The following MAGI2 variants were observed in gnomAD, a reference collection of about 807,000 sequenced individuals.
MAGI2 encodes the protein membrane-associated guanylate kinase, WW and PDZ domain-containing protein 2.
A neutral mutation model predicts 133.3 loss-of-function variants in MAGI2; 35 were observed. That is an observed-to-expected ratio of 0.26 (90% CI 0.20 to 0.35). MAGI2 has a LOEUF of 0.35. Among genes scored for constraint, MAGI2 ranks in the 10% least tolerant of loss-of-function variants. The pLI, the probability that MAGI2 is intolerant of heterozygous loss-of-function variation, is 1.00. For missense variants in MAGI2, 1,636 were observed against 1,863.4 expected (o/e 0.88, Z 2.25); for synonymous variants, 729 against 710.6 (o/e 1.03, Z -0.41).
rs191175389 is a variant in MAGI2 at position 78,038,797 on chromosome 7, A to G, written c.3707-18821T>C. On this transcript the variant is annotated intron_variant, in intron 21 of 21. Coordinates refer to ENST00000354212, the MANE Select transcript of MAGI2 (RefSeq NM_012301.4). ...AGTTGCAGGAAGAATGAGAAATTCTATGCTTCACAGGCCAGTTTTTGTTTT... is the reference window on the plus strand; with the variant it reads ...AGTTGCAGGAAGAATGAGAAATTCTGTGCTTCACAGGCCAGTTTTTGTTTT... 2.3e-3 allele frequency among the ~76,000 whole-genome samples: 345 copies of G among 152,346 alleles called. 2 individuals carry two copies. Among genetic ancestry groups the G allele is most frequent in the African/African-American group, 7.9e-3 (330 of 41,574 alleles).
rs150340525 is a variant in MAGI2, at chr7:79,154,930, C to T, written c.302-147724G>A. 2.3e-3 allele frequency among the ~76,000 whole-genome samples: 353 copies of T among 152,298 alleles called. 1 individual carries two copies. The highest frequency in any genetic ancestry group is 7.8e-3 in the African/African-American group (325 of 41,576). On this transcript the variant is annotated intron_variant, in intron 1 of 21. Coordinates refer to ENST00000354212, the MANE Select transcript of MAGI2 (RefSeq NM_012301.4). ...GTTTTGCCCATTTGAATCTATTTTG[C>T]GCATGGCTTGCACAATTCCCTTCAC...
chr7:78,406,225 T>C (rs1031487429), intron 6 of MAGI2, among the ~76,000 whole-genome samples: 6 of 152,130 alleles, frequency 3.9e-5, no homozygotes, highest in African/African-American at 1.4e-4. Context: ...AAACAGTCCA[T>C]GACCTGTCCT....
chr7:78,846,472 A>G (rs1184541099), intron 2 of MAGI2, among the ~76,000 whole-genome samples: 1 of 151,934 alleles, frequency 6.6e-6, no homozygotes, highest in Non-Finnish European at 1.5e-5. Flanking sequence ...TTGACTCCCA[A>G]TTTATCAGCT....
At chr7:78,295,353 C>CTGTT (rs1797120878) in intron 9 of MAGI2, among the ~76,000 whole-genome samples, 1 of 152,124 alleles carries the variant, frequency 6.6e-6, no homozygotes, top group Non-Finnish European at 1.5e-5. Flanking sequence ...CTCTGTGCCT[C>CTGTT]TGTTTTTCTC....
intron 1 of MAGI2, among the ~76,000 whole-genome samples, chr7:79,138,968 T>C (rs548940691): frequency 1.1e-4 from 13 of 113,304 alleles, no homozygotes; most frequent in Non-Finnish European, 2.1e-4. Context: ...AGAGACAGAC[T>C]CTTGTCTCAA....
At chr7:78,580,553 T>A (rs538911728) in intron 3 of MAGI2, among the ~76,000 whole-genome samples, 3 of 152,182 alleles carry the variant, frequency 2.0e-5, no homozygotes, top group Non-Finnish European at 4.4e-5. Context: ...TTTCAGAACA[T>A]TAAATTTTAA....
intron 2 of MAGI2, among the ~76,000 whole-genome samples, chr7:78,840,239 C>G (rs1454815586): frequency 1.3e-5 from 2 of 151,934 alleles, no homozygotes; most frequent in Non-Finnish European, 1.5e-5. Flanking sequence ...CTAAATGGTC[C>G]TACATATTTG....
At chr7:78,657,470 T>C (rs528724743) in intron 2 of MAGI2, among the ~76,000 whole-genome samples, 2 of 152,068 alleles carry the variant, frequency 1.3e-5, no homozygotes, top group Non-Finnish European at 2.9e-5. Context: ...ATCCAAAAAA[T>C]GAAATATTTA....
chr7:79,341,484 G>C (rs1840900680), intron 1 of MAGI2, among the ~76,000 whole-genome samples: 1 of 152,050 alleles, frequency 6.6e-6, no homozygotes, highest in South Asian at 2.1e-4. Flanking sequence ...GAATAAAAGT[G>C]AAGAACAATT....
intron 6 of MAGI2, chr7:78,484,427 C>T (rs1792756953): frequency 1.3e-5 from 2 of 151,634 alleles, no homozygotes; most frequent in African/African-American, 4.8e-5. Flanking sequence ...ATTTTTTTTC[C>T]TGTAGTAACA....
intron 1 of MAGI2, among the ~76,000 whole-genome samples, chr7:79,304,716 T>C (rs1837650506): frequency 6.6e-6 from 1 of 152,162 alleles, no homozygotes; most frequent in African/African-American, 2.4e-5. Context: ...GATGTTATGG[T>C]GAAACACCAG....
intron 9 of MAGI2, among the ~76,000 whole-genome samples, chr7:78,336,181 A>G (rs1412177351): frequency 6.6e-6 from 1 of 152,186 alleles, no homozygotes; most frequent in Non-Finnish European, 1.5e-5. Flanking sequence ...TACCATGCAC[A>G]TGTACTGCTT....
At chr7:78,074,889 A>G (rs140421764) in intron 21 of MAGI2, among the ~76,000 whole-genome samples, 5 of 152,342 alleles carry the variant, frequency 3.3e-5, no homozygotes, top group African/African-American at 1.2e-4. Context: ...CTTCTGGCGC[A>G]GAAAAGGTTA....
chr7:78,677,273 C>T (rs1815150471), intron 2 of MAGI2, among the ~76,000 whole-genome samples: 1 of 151,252 alleles, frequency 6.6e-6, no homozygotes, highest in Non-Finnish European at 1.5e-5. Context: ...TCTCTTAATA[C>T]TTTAGTACAT....
At chr7:79,059,523 T>C (rs953995687) in intron 1 of MAGI2, among the ~76,000 whole-genome samples, 28 of 152,208 alleles carry the variant, frequency 1.8e-4, no homozygotes, top group Admixed American at 1.1e-3. Context: ...AGTCAGAGTG[T>C]CTAGGAGATA....
At chr7:78,964,008 C>T (rs893895899) in intron 2 of MAGI2, among the ~76,000 whole-genome samples, 1 of 151,936 alleles carries the variant, frequency 6.6e-6, no homozygotes, top group African/African-American at 2.4e-5. Context: ...GGAGGCCCAG[C>T]CTCCAAAATC....
At chr7:78,143,542 G>A (rs1450944090) in intron 16 of MAGI2, among the ~76,000 whole-genome samples, 1 of 152,078 alleles carries the variant, frequency 6.6e-6, no homozygotes, top group East Asian at 1.9e-4. Context: ...TTCATATAAT[G>A]TAAAAGGAGG....
At chr7:78,072,849 C>A (rs1814854713) in intron 21 of MAGI2, 3 of 398,188 alleles carry the variant, frequency 7.5e-6, no homozygotes, top group South Asian at 2.6e-4. Flanking sequence ...TTTGTAGAGA[C>A]AAGGTCTCCC....
chr7:79,385,809 G>A (rs1356554168), intron 1 of MAGI2, among the ~76,000 whole-genome samples: 2 of 152,004 alleles, frequency 1.3e-5, no homozygotes, highest in African/African-American at 2.4e-5. Flanking sequence ...TATTGTATTA[G>A]GGATCTTTGT....
Sources: allele counts gnomAD v4.1 joint callset (sites outside exome capture counted in the v4.1 genomes callset), GRCh38; gene constraint gnomAD v4.1.1; transcripts MANE v1.5; gene names NCBI Gene and HGNC (gene_info 2026-07-23, HGNC 2026-07-21).